The following CSGALNACT1 variants were observed in gnomAD, a reference collection of about 807,000 sequenced individuals.
CSGALNACT1 encodes beta4GalNAcT-1.
A neutral mutation model predicts 51.0 loss-of-function variants in CSGALNACT1; 52 were observed. The observed-to-expected ratio is 1.02, with a 90% CI of 0.82 to 1.29. The LOEUF (loss-of-function observed/expected upper bound fraction) is 1.29. Ranked by LOEUF, CSGALNACT1 falls within the 50% of genes most tolerant of loss-of-function variation. The pLI, the probability that CSGALNACT1 is intolerant of heterozygous loss-of-function variation, is 0.00. For synonymous variants in CSGALNACT1, 341 were observed against 254.4 expected (o/e 1.34, Z -3.24); for missense variants, 935 against 679.2 (o/e 1.38, Z -4.19).
chr8:19,425,712 G>A (rs1051969412), intron 6 of CSGALNACT1, among the ~76,000 whole-genome samples: 12 of 152,216 alleles, frequency 7.9e-5, no homozygotes, highest in South Asian at 6.2e-4. Flanking sequence ...CCTCAACCTC[G>A]GCTAAATAAA....
chr8:19,606,646 C>T (rs1036267978), upstream of CSGALNACT1, among the ~76,000 whole-genome samples: 3 of 152,192 alleles, frequency 2.0e-5, no homozygotes, highest in South Asian at 2.1e-4. Context: ...GCAGACTCAA[C>T]GGAAACATAT....
At chr8:19,692,069 G>GTA (rs1554809588) in intron 1 of CSGALNACT1, among the ~76,000 whole-genome samples, 7 of 151,942 alleles carry the variant, frequency 4.6e-5, no homozygotes, top group African/African-American at 7.3e-5. Context: ...AGCAAGAGTA[G>GTA]GGAAAACTGC....
chr8:19,502,794 C>T (rs1046312713), intron 4 of CSGALNACT1, among the ~76,000 whole-genome samples: 4 of 152,204 alleles, frequency 2.6e-5, no homozygotes, highest in South Asian at 2.1e-4. Context: ...CCTTCTTTCT[C>T]CTTAACTAGG....
chr8:19,634,132 C>A (rs1177494060), intron 1 of CSGALNACT1, among the ~76,000 whole-genome samples: 1 of 152,164 alleles, frequency 6.6e-6, no homozygotes, highest in Non-Finnish European at 1.5e-5. Flanking sequence ...GTTAAGTAAA[C>A]CTAGGACACT....
chr8:19,533,322 A>G (rs1315278264), intron 3 of CSGALNACT1, among the ~76,000 whole-genome samples: 1 of 152,096 alleles, frequency 6.6e-6, no homozygotes, highest in Non-Finnish European at 1.5e-5. Context: ...GGGTCTTGCT[A>G]TGTTGCCCAG....
intron 3 of CSGALNACT1, among the ~76,000 whole-genome samples, chr8:19,507,384 C>T (rs1409182696): frequency 6.6e-6 from 1 of 151,968 alleles, no homozygotes; most frequent in Non-Finnish European, 1.5e-5. Flanking sequence ...AAATGAGAAG[C>T]CAGTCTGCCT....
In CSGALNACT1 at chr8:19,481,136, C is replaced by A. The variant is rs75169325; in HGVS notation, c.635-22494G>T. Among the ~76,000 whole-genome samples the A allele has an allele frequency of 2.7e-4, 41 of 152,248 alleles. 1 individual carries two copies. In the East Asian group the frequency reaches 5.6e-3, roughly 21 times the overall value. ...CTTTACAATGACCAGTTCTTATGTG[C>A]GGCTAATAAAACCATCCTTCATCTT... On this transcript the variant is annotated intron_variant, in intron 4 of 9. Transcript: ENST00000454498.
chr8:19,661,331 T>C (rs2058728380), intron 1 of CSGALNACT1, among the ~76,000 whole-genome samples: 2 of 152,140 alleles, frequency 1.3e-5, no homozygotes, highest in African/African-American at 4.8e-5. Flanking sequence ...TGAAGATGAG[T>C]CACCTACTGC....
At chr8:19,645,565 G>C (rs1007792746) in intron 1 of CSGALNACT1, among the ~76,000 whole-genome samples, 1 of 152,202 alleles carries the variant, frequency 6.6e-6, no homozygotes, top group East Asian at 1.9e-4. Flanking sequence ...AAGGAACCTC[G>C]AAGGGTGGGC....
intron 1 of CSGALNACT1, among the ~76,000 whole-genome samples, chr8:19,753,590 T>C (rs771124402): frequency 5.3e-5 from 8 of 152,202 alleles, no homozygotes; most frequent in Admixed American, 2.6e-4. Context: ...TAGCGTGGTT[T>C]TGATATATTG....
chr8:19,699,718 T>C (rs1467938839), intron 1 of CSGALNACT1, among the ~76,000 whole-genome samples: 1 of 152,202 alleles, frequency 6.6e-6, no homozygotes. Context: ...GCAGTGATGG[T>C]TACAAAAGAA....
At chr8:19,536,476 C>T (rs2083777361) in intron 3 of CSGALNACT1, among the ~76,000 whole-genome samples, 2 of 151,918 alleles carry the variant, frequency 1.3e-5, no homozygotes, top group Non-Finnish European at 2.9e-5. Context: ...ATGTACATGC[C>T]TTATGTGCTG....
chr8:19,685,414 T>C (rs1270344852), upstream of CSGALNACT1, among the ~76,000 whole-genome samples: 2 of 152,154 alleles, frequency 1.3e-5, no homozygotes, highest in Non-Finnish European at 2.9e-5. Context: ...ATGGGAGGAT[T>C]GCCAGAGGCT....
At chr8:19,574,962 G>C (rs2043845048) in intron 3 of CSGALNACT1, among the ~76,000 whole-genome samples, 2 of 151,818 alleles carry the variant, frequency 1.3e-5, no homozygotes, top group African/African-American at 4.8e-5. Context: ...TTGAACCCTG[G>C]AAGTGGAGGT....
rs571429625 is a variant in CSGALNACT1 at position 19,737,601 on chromosome 8, G to GA, written c.-297+20248dup. ...CAGTAGAAGAAAAAAATTGGAAAAA[G>GA]AAAAAAAAAGCACTCAATTCAAAGG... On this transcript the variant is annotated intron_variant, in intron 1 of 1. Transcript: ENST00000517494. Among the ~76,000 whole-genome samples, 525 of 146,786 alleles carry GA rather than the reference G, an allele frequency of 3.6e-3. 3 individuals are homozygous for GA. The highest frequency in any genetic ancestry group is 5.8e-3 in the Non-Finnish European group (384 of 66,368).
intron 4 of CSGALNACT1, among the ~76,000 whole-genome samples, chr8:19,491,856 T>G (rs940309964): frequency 6.6e-6 from 1 of 152,228 alleles, no homozygotes; most frequent in Non-Finnish European, 1.5e-5. Context: ...AGACATACAT[T>G]TACATTCCAC....
At chr8:19,561,925 G>A (rs2040825138) in intron 3 of CSGALNACT1, among the ~76,000 whole-genome samples, 1 of 151,954 alleles carries the variant, frequency 6.6e-6, no homozygotes, top group South Asian at 2.1e-4. Context: ...ATTTCAGCAT[G>A]CGGCCTGATC....
intron 2 of CSGALNACT1, among the ~76,000 whole-genome samples, chr8:19,600,648 G>T (rs1564217389): frequency 6.6e-6 from 1 of 152,000 alleles, no homozygotes; most frequent in African/African-American, 2.4e-5. Flanking sequence ...ATTTTTGTTT[G>T]TATTATTAAC....
At chr8:19,460,964 C>A (rs2065228923) in intron 4 of CSGALNACT1, among the ~76,000 whole-genome samples, 1 of 152,106 alleles carries the variant, frequency 6.6e-6, no homozygotes, top group Admixed American at 6.5e-5. Flanking sequence ...CTGCTGTCCT[C>A]ACAGCCCCAC....
Sources: allele counts gnomAD v4.1 joint callset (sites outside exome capture counted in the v4.1 genomes callset), GRCh38; gene constraint gnomAD v4.1.1; transcripts MANE v1.5; gene names NCBI Gene and HGNC (gene_info 2026-07-23, HGNC 2026-07-21).